The following ADAMTS3 variants were observed in gnomAD, a reference collection of about 807,000 sequenced individuals.
ADAMTS3 encodes the protein ADAM metallopeptidase with thrombospondin type 1 motif 3.
A neutral mutation model predicts 129.0 loss-of-function variants in ADAMTS3; 73 were observed. The ratio of observed to expected loss-of-function variants is 0.57; its 90% CI spans 0.47 to 0.69. The LOEUF is 0.69. ADAMTS3 is among the 30% of genes least tolerant of loss of function. The pLI, the probability that ADAMTS3 is intolerant of heterozygous loss-of-function variation, is 0.00. For synonymous variants in ADAMTS3, 477 were observed against 510.8 expected (o/e 0.93, Z 0.89); for missense variants, 1,457 against 1,514.5 (o/e 0.96, Z 0.63).
Position 72,391,436 on chromosome 4 carries a change from G to A in ADAMTS3, c.661+23379C>T, listed in dbSNP as rs187129071. ...CTGAAGATAAAGCTTAGCAGTCCAGGCACTGAAATTTCAGAGCAGCTGGGG... is the reference window on the plus strand; with the variant it reads ...CTGAAGATAAAGCTTAGCAGTCCAGACACTGAAATTTCAGAGCAGCTGGGG... On this transcript the variant is annotated intron_variant, in intron 4 of 21. Coordinates refer to ENST00000286657, the MANE Select transcript of ADAMTS3 (RefSeq NM_014243.3). Among the ~76,000 whole-genome samples the A allele has an allele frequency of 2.6e-5, 4 of 152,220 alleles. No homozygotes were observed. The East Asian group carries it at 7.7e-4, about 29-fold the overall frequency.
chr4:72,433,021 C>A (rs978441985), intron 3 of ADAMTS3, among the ~76,000 whole-genome samples: 2 of 151,948 alleles, frequency 1.3e-5, no homozygotes, highest in African/African-American at 4.8e-5. Flanking sequence ...TGAAATCCTA[C>A]TCTGTTTATA....
chr4:72,441,377 T>C (rs1718112591), intron 3 of ADAMTS3, among the ~76,000 whole-genome samples: 1 of 151,798 alleles, frequency 6.6e-6, no homozygotes, highest in Admixed American at 6.6e-5. Context: ...AATTGGATTG[T>C]CTTTTCACTG....
chr4:72,517,573 A>G (rs1720525318), intron 3 of ADAMTS3, among the ~76,000 whole-genome samples: 2 of 152,254 alleles, frequency 1.3e-5, no homozygotes, highest in South Asian at 2.1e-4. Flanking sequence ...GGGAGGGTGT[A>G]TGTGTCAAGG....
intron 2 of ADAMTS3, among the ~76,000 whole-genome samples, chr4:72,549,961 AAAAGAAG>A (rs1721570137): frequency 3.1e-5 from 1 of 32,666 alleles, no homozygotes; most frequent in African/African-American, 2.3e-4. Context: ...AAAAAAAAAA[AAAAGAAG>A]AAGAAGAAGA....
chr4:72,336,020 G>A (rs896535986), intron 5 of ADAMTS3, among the ~76,000 whole-genome samples: 1 of 152,076 alleles, frequency 6.6e-6, no homozygotes, highest in Non-Finnish European at 1.5e-5. Flanking sequence ...AAATTAAGGC[G>A]ATACTCTGAA....
intron 5 of ADAMTS3, among the ~76,000 whole-genome samples, chr4:72,334,019 A>G (rs1578590947): frequency 1.3e-5 from 2 of 151,472 alleles, no homozygotes; most frequent in Middle Eastern, 3.2e-3. Context: ...ACGCCTGGCT[A>G]AATTTTTGTA....
At chr4:72,514,553 T>A (rs1364392811) in intron 3 of ADAMTS3, among the ~76,000 whole-genome samples, 3 of 152,180 alleles carry the variant, frequency 2.0e-5, no homozygotes, top group Admixed American at 6.5e-5. Context: ...TAGGCTTCTC[T>A]GAGCTCACTC....
rs1021027589 is a variant in ADAMTS3 at position 72,413,814 on chromosome 4, C to A, written c.661+1001G>T. Among the ~76,000 whole-genome samples, 3 of 151,934 alleles carry A rather than the reference C, an allele frequency of 2.0e-5. No homozygotes were observed. In the South Asian group the frequency reaches 6.2e-4, roughly 31 times the overall value. On this transcript the variant is annotated intron_variant, in intron 4 of 21. Coordinates refer to ENST00000286657, the MANE Select transcript of ADAMTS3 (RefSeq NM_014243.3). ...ACAGTGACTCTCTAAGCTAGGCATA[C>A]ATTTCATAATACTGTATTTATTAAT...
intron 3 of ADAMTS3, among the ~76,000 whole-genome samples, chr4:72,435,518 A>G (rs899993564): frequency 2.0e-5 from 3 of 151,920 alleles, no homozygotes; most frequent in African/African-American, 7.2e-5. Flanking sequence ...CAACCACAGC[A>G]AATTCTGCAC....
intron 3 of ADAMTS3, among the ~76,000 whole-genome samples, chr4:72,511,167 G>T (rs1720304191): frequency 6.6e-6 from 1 of 152,004 alleles, no homozygotes; most frequent in African/African-American, 2.4e-5. Flanking sequence ...CTCAAATTAT[G>T]AAACTATTAC....
At chr4:72,481,508 C>A (rs1386970010) in intron 3 of ADAMTS3, among the ~76,000 whole-genome samples, 1 of 152,052 alleles carries the variant, frequency 6.6e-6, no homozygotes, top group Non-Finnish European at 1.5e-5. Context: ...AAAAGAATAG[C>A]CTTGGACCTA....
intron 6 of ADAMTS3, among the ~76,000 whole-genome samples, chr4:72,322,105 A>T (rs1719570952): frequency 6.6e-6 from 1 of 152,230 alleles, no homozygotes; most frequent in Admixed American, 6.5e-5. Flanking sequence ...TACGGATCAC[A>T]TACTTTTCCA....
intron 3 of ADAMTS3, among the ~76,000 whole-genome samples, chr4:72,488,371 T>C (rs1332914862): frequency 1.3e-5 from 2 of 152,054 alleles, no homozygotes; most frequent in African/African-American, 4.8e-5. Flanking sequence ...ATTTCTAGAT[T>C]GTACAGGTTC....
intron 4 of ADAMTS3, among the ~76,000 whole-genome samples, chr4:72,412,579 T>C (rs1722208890): frequency 6.6e-6 from 1 of 151,962 alleles, no homozygotes; most frequent in African/African-American, 2.4e-5. Flanking sequence ...CAATTCAAGA[T>C]TCTCAAAAGA....
At chr4:72,404,064 T>C (rs1448564776) in intron 4 of ADAMTS3, among the ~76,000 whole-genome samples, 2 of 152,122 alleles carry the variant, frequency 1.3e-5, no homozygotes, top group Non-Finnish European at 2.9e-5. Context: ...GGAAAAGTTA[T>C]TGTTAAAACG....
intron 3 of ADAMTS3, among the ~76,000 whole-genome samples, chr4:72,512,102 T>C (rs532387404): frequency 2.6e-5 from 4 of 152,222 alleles, no homozygotes; most frequent in African/African-American, 9.6e-5. Flanking sequence ...AGAAGGATGG[T>C]TACCAGAGGC....
At chr4:72,477,020 G>C (rs571161885) in intron 3 of ADAMTS3, among the ~76,000 whole-genome samples, 1 of 151,964 alleles carries the variant, frequency 6.6e-6, no homozygotes, top group South Asian at 2.1e-4. Flanking sequence ...AGGAGTAGAA[G>C]GGAACTTCCT....
At chr4:72,504,436 T>C (rs1182576976) in intron 3 of ADAMTS3, among the ~76,000 whole-genome samples, 2 of 152,204 alleles carry the variant, frequency 1.3e-5, no homozygotes, top group African/African-American at 4.8e-5. Flanking sequence ...CTGAGACCAC[T>C]GTTAGCCCAA....
chr4:72,352,552 T>C (rs1219405069), intron 4 of ADAMTS3, among the ~76,000 whole-genome samples: 4 of 151,982 alleles, frequency 2.6e-5, no homozygotes, highest in Non-Finnish European at 5.9e-5. Flanking sequence ...CTAATCTGGC[T>C]CCTGCAAACA....
Sources: gnomAD v4.1 joint callset for allele counts (sites outside exome capture counted in the v4.1 genomes callset) on GRCh38, gnomAD v4.1.1 for gene constraint, MANE v1.5 for transcripts, NCBI Gene and HGNC (gene_info 2026-07-23, HGNC 2026-07-21) for gene names.